SLC5A10: variants seen among roughly 807,000 people sequenced by gnomAD.
SLC5A10 encodes sodium/mannose cotransporter SLC5A10.
In SLC5A10, 55 loss-of-function variants were observed where a neutral mutation model predicts 68.9. The ratio of observed to expected loss-of-function variants is 0.80; its 90% CI spans 0.64 to 1.00. The LOEUF is 1.00. Ranked by LOEUF, SLC5A10 falls within the 50% of genes least tolerant of loss-of-function variation. The probability of loss-of-function intolerance (pLI) is 0.00; values close to 1 mark genes in which losing one functional copy is unlikely to be tolerated. For synonymous variants in SLC5A10, 344 were observed against 344.8 expected (o/e 1.00, Z 0.02); for missense variants, 732 against 819.3 (o/e 0.89, Z 1.30).
chr17:18,971,274 G>A lies in SLC5A10; in HGVS notation c.846+56G>A. 1 of 1,610,944 alleles carries A rather than the reference G, an allele frequency of 6.2e-7. No homozygotes were observed. The highest frequency in any genetic ancestry group is 8.5e-7 in the Non-Finnish European group (1 of 1,177,868). ...CTTCCTGCCGTCCCAGTGGGCTCTG[G>A]TAGGCCCAGGCGGCCTGTCTGCCCT... On this transcript the variant is annotated intron_variant, in intron 8 of 14. Coordinates refer to ENST00000395645, the MANE Select transcript of SLC5A10 (RefSeq NM_001042450.4). This position sits in a 1 kb window ranked among gnomAD's most constrained non-coding sequence, Gnocchi z 5.5.
chr17:18,953,137 T>TC, intron 1 of SLC5A10, among the ~76,000 whole-genome samples: 1 of 149,978 alleles, frequency 6.7e-6, no homozygotes, highest in South Asian at 2.1e-4. Context: ...TCTTTTTTTT[T>TC]TTTTTTTTTT....
At position 18,971,817 on chromosome 17, in the gene SLC5A10, C is replaced by G; in HGVS notation, c.846+599C>G. 1 of 1,494,190 alleles carries G rather than the reference C, an allele frequency of 6.7e-7. No homozygotes were observed. 92.6% of individuals were successfully genotyped at this position (1,494,190 alleles called of 1,614,324 possible). ...AACCCCGCCCCAGCACAGGACCCTGCTCAGGCACACAGGAGCCGGCAGGCC... is the reference window on the plus strand; with the variant it reads ...AACCCCGCCCCAGCACAGGACCCTGGTCAGGCACACAGGAGCCGGCAGGCC... On this transcript the variant is annotated intron_variant, in intron 8 of 14. Coordinates refer to ENST00000395645, the MANE Select transcript of SLC5A10 (RefSeq NM_001042450.4). This position sits in a 1 kb window ranked among gnomAD's most constrained non-coding sequence, Gnocchi z 5.5.
chr17:18,965,564 G>A (rs143204573), intron 5 of SLC5A10, among the ~76,000 whole-genome samples: 2,462 of 152,290 alleles, frequency 0.016, 34 homozygotes, highest in Non-Finnish European at 0.023. Flanking sequence ...GGTTTCCATC[G>A]GCTGGGAGAT....
At position 18,979,382 on chromosome 17, in the gene SLC5A10, G is replaced by A. The variant is rs1014776730; in HGVS notation, c.982+2393G>A. On this transcript the variant is annotated intron_variant, in intron 9 of 14. Transcript: ENST00000395645. Reference sequence around the variant, plus strand: ...GCGTCCTCAGACAAAGCCCTTCTCTGCCTGCCTCCAGAGACAGACAGGCGG... The same window carrying A: ...GCGTCCTCAGACAAAGCCCTTCTCTACCTGCCTCCAGAGACAGACAGGCGG... The A allele has an allele frequency of 1.3e-5, 11 of 821,632 alleles. No homozygotes were observed. In the African/African-American group the frequency reaches 1.6e-4, roughly 12 times the overall value. 50.9% of individuals were successfully genotyped at this position (821,632 alleles called of 1,614,324 possible).
In SLC5A10 at chr17:19,019,490, G is replaced by C. The variant is rs764001907; in HGVS notation, c.1309G>C (p.Gly437Arg). The C allele has an allele frequency of 1.2e-6, 2 of 1,612,212 alleles. No homozygotes were observed. Among genetic ancestry groups the C allele is most frequent in the Admixed American group, 3.3e-5 (2 of 59,964 alleles). The change falls in exon 12 of 15, where the codon GGG becomes CGG. Residue 437 changes from glycine (G) to arginine (R), a missense_variant. Gly to Arg is a moderately radical substitution (Grantham distance 125, BLOSUM62 -2). Coordinates refer to ENST00000395645, the MANE Select transcript of SLC5A10 (RefSeq NM_001042450.4). ...WIPVLQDSNS[G>R]QLFIYMQSVT... The stretch of plus-strand genomic sequence containing the variant: ...CCCCGTCCTGCAGGACTCCAACAGC[G>C]GGCAACTCTTCATCTACATGCAGTC...
Position 18,979,562 on chromosome 17 carries a change from A to T in SLC5A10, c.982+2573A>T, listed in dbSNP as rs1218698367. ...CTGGAGAGTCACCTGTAGGAGCCGC[A>T]CACAGCCCGGTCTCCATCCACAAAC... is the stretch of plus-strand genomic sequence containing the variant. On this transcript the variant is annotated intron_variant, in intron 9 of 14. Coordinates refer to ENST00000395645, the MANE Select transcript of SLC5A10 (RefSeq NM_001042450.4). The T allele has an allele frequency of 2.5e-6, 4 of 1,613,196 alleles. No homozygotes were observed. The African/African-American group carries it at 5.3e-5, about 22-fold the overall frequency.
chr17:18,970,388 G>A (rs893873002), intron 7 of SLC5A10: 3 of 155,370 alleles, frequency 1.9e-5, no homozygotes, highest in East Asian at 1.9e-4. Context: ...TGGCCATGCC[G>A]GGCCCTGACC....
chr17:19,006,658 CCTT>C (rs1181569838), intron 9 of SLC5A10, among the ~76,000 whole-genome samples: 1 of 152,188 alleles, frequency 6.6e-6, no homozygotes, highest in Non-Finnish European at 1.5e-5. Context: ...ACAAAGATCT[CCTT>C]CTCTGTAGCC....
At chr17:18,976,764 C>A in intron 8 of SLC5A10, 90 bp from the exon 9 acceptor site, 6 of 1,529,296 alleles carry the variant, frequency 3.9e-6, no homozygotes, top group Non-Finnish European at 5.3e-6. Flanking sequence ...CATCGTGCCT[C>A]ATGCCCATTC....
intron 4 of SLC5A10, 128 bp from the exon 5 acceptor site, chr17:18,960,420 G>T: frequency 1.2e-6 from 1 of 825,670 alleles, no homozygotes. Context: ...CAGTGCCTGG[G>T]CCTTGCCCTT....
chr17:19,017,352 C>T lies in SLC5A10; in HGVS notation c.1242-2071C>T, dbSNP rs1567815924. 6.4e-7 allele frequency: 1 copy of T among 1,552,004 alleles called. No homozygotes were observed. Among genetic ancestry groups the T allele is most frequent in the South Asian group, 1.2e-5 (1 of 84,068 alleles). On this transcript the variant is annotated intron_variant, in intron 11 of 14. Coordinates refer to ENST00000395645, the MANE Select transcript of SLC5A10 (RefSeq NM_001042450.4). This position sits in a 1 kb window ranked among gnomAD's most constrained non-coding sequence, Gnocchi z 5.6. Reference sequence around the variant, plus strand: ...AGCTTCCTCCTGCCCGAAACACCACCATTGGAGCGGTATCTCCTAGGCCTC... The same window carrying T: ...AGCTTCCTCCTGCCCGAAACACCACTATTGGAGCGGTATCTCCTAGGCCTC...
chr17:18,977,905 G>A (rs376662345), intron 9 of SLC5A10: 64 of 1,610,328 alleles, frequency 4.0e-5, no homozygotes, highest in Non-Finnish European at 5.0e-5. Context: ...TGAGGGTTAC[G>A]TAGTCGTCAT....
rs1486389010 is a variant in SLC5A10 at position 18,973,889 on chromosome 17, T to G, written c.846+2671T>G. Among the ~76,000 whole-genome samples, 35 of 117,856 alleles carry G rather than the reference T, an allele frequency of 3.0e-4. 1 individual carries two copies. The East Asian group carries it at 4.7e-3, about 16-fold the overall frequency. 77.3% of individuals were successfully genotyped at this position (117,856 alleles called of 152,430 possible). ...ATTTTTGTATTTTTTTTTAAGTTTT[T>G]TTTTTTTTTTTTTTTTTCCCAGAGA... On this transcript the variant is annotated intron_variant, in intron 8 of 14. Transcript: ENST00000395645.
intron 9 of SLC5A10, chr17:18,977,329 G>A: frequency 1.7e-6 from 1 of 584,902 alleles, no homozygotes; most frequent in Admixed American, 3.3e-5. Flanking sequence ...GAGACCTCTA[G>A]GTGGGGAAAC....
At chr17:18,953,712 G>A (rs1245418421) in intron 1 of SLC5A10, 1 of 152,554 alleles carries the variant, frequency 6.6e-6, no homozygotes. Context: ...AATTATCACA[G>A]GTTGGATTTC....
At position 19,019,602 on chromosome 17, in the gene SLC5A10, G is replaced by A. The variant is rs758975218; in HGVS notation, c.1410+11G>A. ...CGTGCCAACGAGCAGGTGGGCGTCG[G>A]CGGTCTGCTCTCCCTGGGGACGTGC... On this transcript the variant is annotated intron_variant, in intron 12 of 14. Transcript: ENST00000395645. The A allele has an allele frequency of 1.5e-5, 24 of 1,610,046 alleles. No individual in the cohort carries two copies. In the South Asian group the frequency reaches 2.5e-4, roughly 17 times the overall value.
At chr17:19,006,349 T>C (rs2043889556) in intron 9 of SLC5A10, among the ~76,000 whole-genome samples, 2 of 152,020 alleles carry the variant, frequency 1.3e-5, no homozygotes. Context: ...GCCTCCTGAG[T>C]AGCTGGGACC....
At chr17:18,979,800 G>GT in intron 9 of SLC5A10, 1 of 1,064,426 alleles carries the variant, frequency 9.4e-7, no homozygotes, top group African/African-American at 1.6e-5. Flanking sequence ...GAAAGAGGCT[G>GT]TAAGGCCTGG....
Position 19,019,930 on chromosome 17 carries a change from T to G in SLC5A10, c.1626+2T>G. 6.2e-7 allele frequency: 1 copy of G among 1,601,600 alleles called. No individual in the cohort carries two copies. Among genetic ancestry groups the G allele is most frequent in the Non-Finnish European group, 8.5e-7 (1 of 1,175,206 alleles). On this transcript the variant is annotated splice_donor_variant, in intron 13 of 14. Transcript: ENST00000395645. LOFTEE classifies it high-confidence loss of function. ...ACCCCACCCCCACAGAGTGTCCAGG[T>G]GAGCCAGCCCTGACCCCTGACCCTG...
Sources: gnomAD v4.1 joint callset for allele counts (sites outside exome capture counted in the v4.1 genomes callset) on GRCh38, gnomAD v4.1.1 for gene constraint, Gnocchi (gnomAD v3.1) non-coding constraint, MANE v1.5 for transcripts, NCBI Gene and HGNC (gene_info 2026-07-23, HGNC 2026-07-21) for gene names.